GMDS: variants seen among roughly 807,000 people sequenced by gnomAD.
GMDS encodes GDP-mannose 4,6 dehydratase.
A neutral mutation model predicts 49.9 loss-of-function variants in GMDS; 20 were observed. The ratio of observed to expected loss-of-function variants is 0.40; its 90% CI spans 0.28 to 0.58. GMDS has a LOEUF of 0.58. GMDS is among the 20% of genes least tolerant of loss of function. The pLI is 0.42. For synonymous variants in GMDS, 177 were observed against 178.6 expected (o/e 0.99, Z 0.07); for missense variants, 362 against 481.4 (o/e 0.75, Z 2.32).
chr6:2,008,616 T>A (rs1032764682), intron 4 of GMDS, among the ~76,000 whole-genome samples: 1 of 152,206 alleles, frequency 6.6e-6, no homozygotes, highest in African/African-American at 2.4e-5. Context: ...GAAGCATTCT[T>A]GTAGATAACA....
At chr6:1,727,639 T>G (rs989669134) in intron 8 of GMDS, among the ~76,000 whole-genome samples, 49 of 152,338 alleles carry the variant, frequency 3.2e-4, no homozygotes, top group African/African-American at 1.0e-3. Context: ...CATTAAATGT[T>G]GATCCCAGTT....
At chr6:1,888,235 A>G (rs1371574864) in intron 7 of GMDS, among the ~76,000 whole-genome samples, 1 of 150,572 alleles carries the variant, frequency 6.6e-6, no homozygotes, top group Non-Finnish European at 1.5e-5. Context: ...GTATGTTTTC[A>G]CACTGCTATA....
At chr6:1,930,423 T>A (rs1762235898) in intron 6 of GMDS, 193 bp from the exon 7 acceptor site, 1 of 475,752 alleles carries the variant, frequency 2.1e-6, no homozygotes, top group Admixed American at 3.9e-5. Flanking sequence ...GAAGCCCTAA[T>A]TCCATGTGTC....
intron 9 of GMDS, among the ~76,000 whole-genome samples, chr6:1,710,750 A>G (rs565897653): frequency 1.3e-5 from 2 of 152,332 alleles, no homozygotes; most frequent in South Asian, 4.1e-4. Context: ...CTCAATGTCC[A>G]GGTCCTAAGC....
intron 7 of GMDS, among the ~76,000 whole-genome samples, chr6:1,831,591 G>T (rs1324249527): frequency 6.6e-6 from 1 of 152,190 alleles, no homozygotes; most frequent in African/African-American, 2.4e-5. Flanking sequence ...TCACTCAGGC[G>T]ATAGAAGAAA....
chr6:2,232,984 G>T (rs1017951669), intron 1 of GMDS, among the ~76,000 whole-genome samples: 1 of 152,296 alleles, frequency 6.6e-6, no homozygotes, highest in East Asian at 1.9e-4. Flanking sequence ...GTGCTGCCAG[G>T]GGCTGGGAAA....
At position 1,691,892 on chromosome 6, in the gene GMDS, T is replaced by C. The variant is rs374634154; in HGVS notation, c.987+34524A>G. 1.3e-4 allele frequency among the ~76,000 whole-genome samples: 20 copies of C among 152,310 alleles called. No homozygotes were observed. The South Asian group carries it at 3.9e-3, about 30-fold the overall frequency. The stretch of plus-strand genomic sequence containing the variant: ...TGTTGGGATTTGTGGTGGTTAATAC[T>C]GAATGTCAACTTGACTGGATTGAAG... On this transcript the variant is annotated intron_variant, in intron 9 of 10. Transcript: ENST00000380815.
At position 1,744,499 on chromosome 6, in the gene GMDS, T is replaced by G. The variant is rs1471342485; in HGVS notation, c.772-1913A>C. Among the ~76,000 whole-genome samples the G allele has an allele frequency of 3.3e-5, 5 of 152,174 alleles. No individual in the cohort carries two copies. In the East Asian group the frequency reaches 9.6e-4, roughly 29 times the overall value. ...ATAAAGCATGAGCTTTTAAAAGGCA[T>G]GAAATACAAGTTGTTCACTGTTTTG... On this transcript the variant is annotated intron_variant, in intron 7 of 10. Transcript: ENST00000380815.
At chr6:1,638,830 G>A (rs1393716425) in intron 9 of GMDS, among the ~76,000 whole-genome samples, 1 of 152,192 alleles carries the variant, frequency 6.6e-6, no homozygotes, top group Non-Finnish European at 1.5e-5. Flanking sequence ...GACTGAGGGA[G>A]ACCATGTTTT....
chr6:2,005,321 T>C (rs1767090572), intron 4 of GMDS, among the ~76,000 whole-genome samples: 1 of 152,098 alleles, frequency 6.6e-6, no homozygotes, highest in Non-Finnish European at 1.5e-5. Context: ...AAGCTAGAGG[T>C]AAGAAAATCC....
chr6:2,122,968 T>C (rs945218969), intron 2 of GMDS, among the ~76,000 whole-genome samples: 1 of 152,258 alleles, frequency 6.6e-6, no homozygotes, highest in Non-Finnish European at 1.5e-5. Context: ...TAATAAAATC[T>C]GCTCTTACAA....
At chr6:1,962,573 G>A (rs1182683066) in intron 4 of GMDS, among the ~76,000 whole-genome samples, 6 of 152,038 alleles carry the variant, frequency 3.9e-5, no homozygotes, top group Admixed American at 3.9e-4. Flanking sequence ...GGTCTTTTTT[G>A]TTATATCCAT....
chr6:1,624,722 C>T (rs1762793062), intron 9 of GMDS, 182 bp from the exon 10 acceptor site: 2 of 567,560 alleles, frequency 3.5e-6, no homozygotes, highest in Admixed American at 3.1e-5. Flanking sequence ...ATCACTAGGT[C>T]GCGGTTAAGA....
intron 7 of GMDS, among the ~76,000 whole-genome samples, chr6:1,770,875 A>C (rs768230785): frequency 1.3e-5 from 2 of 152,256 alleles, no homozygotes; most frequent in Non-Finnish European, 2.9e-5. Flanking sequence ...GAAAACTGCC[A>C]AGGTAATAAT....
rs1299858434 is a variant in GMDS, at chr6:1,662,410, G to A, written c.988-37870C>T. ...GAAGGTGCAGACTTGGGAACAGCTGGAGAAATGATAGCAGCACCGTGTGTG... is the reference window on the plus strand; with the variant it reads ...GAAGGTGCAGACTTGGGAACAGCTGAAGAAATGATAGCAGCACCGTGTGTG... On this transcript the variant is annotated intron_variant, in intron 9 of 10. Coordinates refer to ENST00000380815, the MANE Select transcript of GMDS (RefSeq NM_001500.4). Among the ~76,000 whole-genome samples, 3 of 152,286 alleles carry A rather than the reference G, an allele frequency of 2.0e-5. No homozygotes were observed. In the South Asian group the frequency reaches 6.2e-4, roughly 32 times the overall value.
intron 4 of GMDS, among the ~76,000 whole-genome samples, chr6:2,102,508 GT>G (rs1773982412): frequency 6.6e-6 from 1 of 152,166 alleles, no homozygotes; most frequent in South Asian, 2.1e-4. Flanking sequence ...AGGAAATGGT[GT>G]TGCAATACTG....
In GMDS at chr6:2,163,172, T is replaced by C. The variant is rs547909104; in HGVS notation, c.103-38441A>G. On this transcript the variant is annotated intron_variant, in intron 1 of 10. Coordinates refer to ENST00000380815, the MANE Select transcript of GMDS (RefSeq NM_001500.4). ...GAATAATAGGCCCAGGTGACAATAA[T>C]AAACTGTCCTAACAGTGAACAGGGA... 3.9e-5 allele frequency among the ~76,000 whole-genome samples: 6 copies of C among 152,204 alleles called. No homozygotes were observed. In the South Asian group the frequency reaches 1.2e-3, roughly 32 times the overall value.
chr6:1,858,139 G>A (rs752695529), intron 7 of GMDS, among the ~76,000 whole-genome samples: 2 of 152,096 alleles, frequency 1.3e-5, no homozygotes, highest in African/African-American at 2.4e-5. Flanking sequence ...ACAACTCCAA[G>A]TATCTCAGTA....
chr6:2,005,585 A>T (rs1238643040), intron 4 of GMDS, among the ~76,000 whole-genome samples: 1 of 152,096 alleles, frequency 6.6e-6, no homozygotes, highest in African/African-American at 2.4e-5. Flanking sequence ...CTGTCACTCG[A>T]CTCACTCTAT....
Sources: gnomAD v4.1 joint callset for allele counts (sites outside exome capture counted in the v4.1 genomes callset) on GRCh38, gnomAD v4.1.1 for gene constraint, MANE v1.5 for transcripts, NCBI Gene and HGNC (gene_info 2026-07-23, HGNC 2026-07-21) for gene names.